Variants in GNG2 observed in about 807,000 individuals in gnomAD.
GNG2 encodes the protein guanine nucleotide-binding protein G(I)/G(S)/G(O) subunit gamma-2.
GNG2 carries 5 observed loss-of-function variants against 5.5 expected under a neutral mutation model. The observed-to-expected ratio is 0.91, with a 90% CI of 0.48 to 1.92. The LOEUF (loss-of-function observed/expected upper bound fraction) is 1.92, where lower values mean the gene tolerates loss of function less well. GNG2 is among the 30% of genes most tolerant of loss of function. The probability of loss-of-function intolerance (pLI) is 0.01; values close to 1 mark genes in which losing one functional copy is unlikely to be tolerated. For synonymous variants in GNG2, 28 were observed against 32.0 expected (o/e 0.88, Z 0.42); for missense variants, 55 against 88.4 (o/e 0.62, Z 1.52).
chr14:51,943,974 A>G (rs905978864), intron 2 of GNG2, among the ~76,000 whole-genome samples: 10 of 152,234 alleles, frequency 6.6e-5, no homozygotes, highest in African/African-American at 2.4e-4. Context: ...AAGAACCCCA[A>G]ATAGCCAAAG....
rs1035651590 is a variant in GNG2 at position 51,956,008 on chromosome 14, C to G, written c.87+5243C>G. ...TGGAACTAGAGAGAGGACATATATT[C>G]TAGGTTTAGGACATTTTAAGTATTT... On this transcript the variant is annotated intron_variant, in intron 3 of 3. Transcript: ENST00000556766. Among the ~76,000 whole-genome samples the G allele has an allele frequency of 4.6e-5, 7 of 152,268 alleles. 1 individual carries two copies. The highest frequency in any genetic ancestry group is 4.6e-4 in the Admixed American group (7 of 15,290).
chr14:51,926,776 C>A (rs555856063), intron 2 of GNG2, among the ~76,000 whole-genome samples: 1 of 151,734 alleles, frequency 6.6e-6, no homozygotes, highest in South Asian at 2.1e-4. Context: ...CCTTTTTTTT[C>A]TTTCCACCCA....
chr14:51,888,131 C>T (rs1884592922), intron 2 of GNG2, among the ~76,000 whole-genome samples: 1 of 152,136 alleles, frequency 6.6e-6, no homozygotes, highest in South Asian at 2.1e-4. Context: ...TTTCCTCATG[C>T]TCCATGATCA....
At chr14:51,860,902 G>A (rs1882430794) in intron 1 of GNG2, 112 bp downstream of exon 1, 1 of 152,210 alleles carries the variant, frequency 6.6e-6, no homozygotes, top group Admixed American at 6.5e-5. Flanking sequence ...TCAGGACTAG[G>A]GGAAATGATT....
At chr14:51,900,278 T>C (rs1374053879) in intron 2 of GNG2, among the ~76,000 whole-genome samples, 3 of 152,182 alleles carry the variant, frequency 2.0e-5, no homozygotes, top group Non-Finnish European at 4.4e-5. Context: ...AGCATTTTTA[T>C]ATACTTATTG....
chr14:51,939,109 T>TA (rs563608439), intron 2 of GNG2, among the ~76,000 whole-genome samples: 61 of 150,118 alleles, frequency 4.1e-4, no homozygotes, highest in African/African-American at 7.6e-4. Context: ...GCTTCTGTAT[T>TA]AAAAAAAAAA....
chr14:51,861,594 T>G (rs17831385), intron 1 of GNG2, among the ~76,000 whole-genome samples: 67,521 of 152,140 alleles, frequency 0.44, 15,567 homozygotes, highest in South Asian at 0.54. Context: ...CGCGAATATC[T>G]GGTAGATAGA....
intron 2 of GNG2, among the ~76,000 whole-genome samples, chr14:51,912,823 A>G (rs1487876777): frequency 2.6e-5 from 3 of 114,786 alleles, no homozygotes; most frequent in African/African-American, 1.0e-4. Context: ...CGTGTATTTC[A>G]GCTACTGGCT....
intron 2 of GNG2, among the ~76,000 whole-genome samples, chr14:51,907,594 GTTC>G (rs1227729618): frequency 6.6e-6 from 1 of 152,230 alleles, no homozygotes; most frequent in African/African-American, 2.4e-5. Flanking sequence ...TTGTCAGGGT[GTTC>G]TTCTGTGACA....
chr14:51,855,440 T>G (rs1882112422), upstream of GNG2, among the ~76,000 whole-genome samples: 3 of 152,348 alleles, frequency 2.0e-5, no homozygotes, highest in African/African-American at 7.2e-5. Context: ...TAGGCTCAGA[T>G]GTCTGGAGGG....
At chr14:51,917,740 C>T (rs141939093) in intron 2 of GNG2, among the ~76,000 whole-genome samples, 2 of 152,130 alleles carry the variant, frequency 1.3e-5, no homozygotes, top group East Asian at 1.9e-4. Flanking sequence ...GTATTAAAAA[C>T]TGATAAATGG....
chr14:51,942,867 C>G (rs563018697), intron 2 of GNG2, among the ~76,000 whole-genome samples: 245 of 152,168 alleles, frequency 1.6e-3, no homozygotes, highest in African/African-American at 5.6e-3. Context: ...TGACCCAGTA[C>G]TTGGCAGGTG....
At chr14:51,906,971 G>T (rs191588893) in intron 2 of GNG2, among the ~76,000 whole-genome samples, 2,007 of 152,148 alleles carry the variant, frequency 0.013, 20 homozygotes, top group Non-Finnish European at 0.023. Flanking sequence ...TAGCCAGGAT[G>T]GTCTCGATCT....
intron 1 of GNG2, chr14:51,873,971 T>C (rs1883475088): frequency 6.6e-6 from 1 of 152,204 alleles, no homozygotes; most frequent in Admixed American, 6.5e-5. Flanking sequence ...CTCTGCCAAA[T>C]CTATTACTAC....
intron 2 of GNG2, among the ~76,000 whole-genome samples, chr14:51,829,529 C>A (rs1881124217): frequency 1.3e-5 from 2 of 152,148 alleles, no homozygotes; most frequent in Non-Finnish European, 2.9e-5. Context: ...CTACTACAGA[C>A]CTGCATTTGC....
chr14:51,844,893 T>C (rs1417206536), intron 2 of GNG2, among the ~76,000 whole-genome samples: 1 of 152,046 alleles, frequency 6.6e-6, no homozygotes, highest in Non-Finnish European at 1.5e-5. Flanking sequence ...GCCCAGCTAA[T>C]TTTTTGTATT....
At chr14:51,879,253 A>G (rs946686115) in intron 2 of GNG2, among the ~76,000 whole-genome samples, 5 of 152,262 alleles carry the variant, frequency 3.3e-5, no homozygotes, top group Non-Finnish European at 5.9e-5. Flanking sequence ...AAGAAGCTAA[A>G]CAAAGTAGAC....
intron 2 of GNG2, among the ~76,000 whole-genome samples, chr14:51,889,890 C>T (rs137862270): frequency 1.3e-5 from 2 of 152,224 alleles, no homozygotes; most frequent in African/African-American, 2.4e-5. Flanking sequence ...TTCAGATTAT[C>T]TAATCACTCT....
At chr14:51,876,863 C>T (rs534012717) in intron 1 of GNG2, among the ~76,000 whole-genome samples, 2 of 152,320 alleles carry the variant, frequency 1.3e-5, no homozygotes, top group South Asian at 4.1e-4. Flanking sequence ...TCTTTGTTCT[C>T]AGACACTGCA....
Sources: allele counts gnomAD v4.1 joint callset (sites outside exome capture counted in the v4.1 genomes callset), GRCh38; gene constraint gnomAD v4.1.1; transcripts MANE v1.5; gene names NCBI Gene and HGNC (gene_info 2026-07-23, HGNC 2026-07-21).